EPB41L4A: variants seen among roughly 807,000 people sequenced by gnomAD.
EPB41L4A encodes erythrocyte membrane protein band 4.1 like 4A, also known as band 4.1-like protein 4A.
In EPB41L4A, 100 loss-of-function variants were observed where a neutral mutation model predicts 108.6. The ratio of observed to expected loss-of-function variants is 0.92; its 90% CI spans 0.78 to 1.09. EPB41L4A has a LOEUF of 1.09. Among genes scored for constraint, EPB41L4A ranks in the 50% least tolerant of loss-of-function variants. The pLI is 0.00. For synonymous variants in EPB41L4A, 319 were observed against 289.0 expected (o/e 1.10, Z -1.05); for missense variants, 1,030 against 842.7 (o/e 1.22, Z -2.75).
chr5:112,233,302 A>G (rs542927164), intron 12 of EPB41L4A, among the ~76,000 whole-genome samples: 30 of 152,342 alleles, frequency 2.0e-4, no homozygotes, highest in African/African-American at 7.0e-4. Context: ...ACAAAGTCAA[A>G]CAGAAGTTTC....
At chr5:112,404,640 C>T (rs1395888997) in intron 1 of EPB41L4A, among the ~76,000 whole-genome samples, 1 of 152,182 alleles carries the variant, frequency 6.6e-6, no homozygotes, top group Non-Finnish European at 1.5e-5. Context: ...TCTTCCACTA[C>T]ATAGACTTTT....
chr5:112,254,918 C>T (rs892304593), intron 9 of EPB41L4A, among the ~76,000 whole-genome samples: 4 of 152,080 alleles, frequency 2.6e-5, no homozygotes, highest in Admixed American at 1.3e-4. Flanking sequence ...CACCTTGCTG[C>T]ACTAGGAGAC....
At chr5:112,159,015 G>A (rs1759751054), downstream of EPB41L4A, among the ~76,000 whole-genome samples, 2 of 152,164 alleles carry the variant, frequency 1.3e-5, no homozygotes, top group South Asian at 4.1e-4. Flanking sequence ...TGCCCCAGAT[G>A]TTACAGTGAC....
At chr5:112,201,863 T>C (rs1762237395) in intron 15 of EPB41L4A, among the ~76,000 whole-genome samples, 1 of 152,126 alleles carries the variant, frequency 6.6e-6, no homozygotes, top group African/African-American at 2.4e-5. Context: ...GGGATTCCAA[T>C]CCCATGTGTG....
intron 1 of EPB41L4A, among the ~76,000 whole-genome samples, chr5:112,360,397 C>T (rs935549434): frequency 1.3e-5 from 2 of 152,238 alleles, no homozygotes; most frequent in African/African-American, 4.8e-5. Flanking sequence ...CCTCAGCCTG[C>T]CCAGTGCCTG....
chr5:112,203,069 T>A (rs111243599), intron 15 of EPB41L4A, among the ~76,000 whole-genome samples: 4 of 151,802 alleles, frequency 2.6e-5, no homozygotes, highest in East Asian at 1.9e-4. Flanking sequence ...TTTATTTTTT[T>A]AAAAAAGGAA....
At chr5:112,278,248 A>G (rs1045813760) in intron 3 of EPB41L4A, among the ~76,000 whole-genome samples, 1 of 129,510 alleles carries the variant, frequency 7.7e-6, no homozygotes, top group East Asian at 2.6e-4. Flanking sequence ...TTCTTACTAT[A>G]CATCAATTTT....
chr5:112,278,386 G>C (rs1220995508), intron 3 of EPB41L4A, among the ~76,000 whole-genome samples: 2 of 151,882 alleles, frequency 1.3e-5, no homozygotes, highest in South Asian at 2.1e-4. Context: ...CGAATAGCTG[G>C]GATTACAGGC....
intron 1 of EPB41L4A, among the ~76,000 whole-genome samples, chr5:112,395,662 G>A (rs554956655): frequency 3.5e-4 from 54 of 152,316 alleles, no homozygotes; most frequent in African/African-American, 1.2e-3. Flanking sequence ...ATGTAAACTA[G>A]TTCAACCATT....
At chr5:112,383,375 G>T (rs999373259) in intron 1 of EPB41L4A, among the ~76,000 whole-genome samples, 2 of 152,198 alleles carry the variant, frequency 1.3e-5, no homozygotes, top group African/African-American at 4.8e-5. Flanking sequence ...ATGTGACATT[G>T]CAGGATAACC....
At chr5:112,241,998 A>G (rs182062888) in intron 9 of EPB41L4A, among the ~76,000 whole-genome samples, 9 of 152,352 alleles carry the variant, frequency 5.9e-5, no homozygotes, top group Admixed American at 5.9e-4. Context: ...AAGTCATCTG[A>G]GCCTTCAGGA....
chr5:112,226,416 C>A (rs1204222263), intron 12 of EPB41L4A, among the ~76,000 whole-genome samples: 1 of 152,192 alleles, frequency 6.6e-6, no homozygotes, highest in East Asian at 1.9e-4. Context: ...TCAGCTTTGC[C>A]TTTTCTTTGT....
intron 1 of EPB41L4A, among the ~76,000 whole-genome samples, chr5:112,417,488 G>A (rs1436015265): frequency 6.6e-6 from 1 of 152,144 alleles, no homozygotes; most frequent in Non-Finnish European, 1.5e-5. Flanking sequence ...AATTTAGGAT[G>A]TTTTTGTGAT....
chr5:112,339,514 A>C (rs1464657057), intron 1 of EPB41L4A, among the ~76,000 whole-genome samples: 17 of 105,034 alleles, frequency 1.6e-4, no homozygotes, highest in African/African-American at 5.9e-4. Flanking sequence ...ATATATAGAT[A>C]TATAGATATA....
chr5:112,235,170 C>T (rs539758596), intron 11 of EPB41L4A, among the ~76,000 whole-genome samples: 1 of 152,264 alleles, frequency 6.6e-6, no homozygotes, highest in Admixed American at 6.5e-5. Context: ...CCCACAAGAC[C>T]ACTCGGTATG....
chr5:112,177,501 A>C (rs1273109239), intron 18 of EPB41L4A, among the ~76,000 whole-genome samples: 2 of 152,296 alleles, frequency 1.3e-5, no homozygotes, highest in East Asian at 3.9e-4. Context: ...TCATATATTC[A>C]CACATTATGG....
chr5:112,384,571 A>G (rs938209553), intron 1 of EPB41L4A, among the ~76,000 whole-genome samples: 40 of 152,230 alleles, frequency 2.6e-4, no homozygotes, highest in Middle Eastern at 3.4e-3. Flanking sequence ...CTTCTCATGG[A>G]AACAGATGGG....
chr5:112,234,778 T>A (rs374825017), intron 11 of EPB41L4A, 23 bp from the exon 12 acceptor site: 1 of 1,603,394 alleles, frequency 6.2e-7, no homozygotes, highest in African/African-American at 1.3e-5. Flanking sequence ...ACATTTTGAT[T>A]AGCAAAGGTA....
At chr5:112,371,757 G>A (rs1053144141) in intron 1 of EPB41L4A, among the ~76,000 whole-genome samples, 3 of 152,096 alleles carry the variant, frequency 2.0e-5, no homozygotes, top group African/African-American at 7.2e-5. Context: ...GACTATAAAG[G>A]AAAGGATGAA....
Sources: allele counts gnomAD v4.1 joint callset (sites outside exome capture counted in the v4.1 genomes callset), GRCh38; gene constraint gnomAD v4.1.1; transcripts MANE v1.5; gene names NCBI Gene and HGNC (gene_info 2026-07-23, HGNC 2026-07-21).